The following CLMP variants were observed in gnomAD, a reference collection of about 807,000 sequenced individuals.
CLMP encodes CXADR-like membrane protein.
A neutral mutation model predicts 45.2 loss-of-function variants in CLMP; 27 were observed. That is an observed-to-expected ratio of 0.60 (90% CI 0.44 to 0.82). The LOEUF (loss-of-function observed/expected upper bound fraction) is 0.82, where lower values mean the gene tolerates loss of function less well. Among genes scored for constraint, CLMP ranks in the 40% least tolerant of loss-of-function variants. The pLI is 0.00. For missense variants in CLMP, 403 were observed against 448.4 expected (o/e 0.90, Z 0.91); for synonymous variants, 167 against 171.4 (o/e 0.97, Z 0.20).
intron 1 of CLMP, among the ~76,000 whole-genome samples, chr11:123,109,059 C>CA (rs776811883): frequency 0.23 from 14,785 of 63,566 alleles, 1,093 homozygotes; most frequent in Admixed American, 0.28. Context: ...AACTCTGTCT[C>CA]AAAAAAAAAA....
At chr11:123,083,012 A>G in intron 5 of CLMP, 73 bp downstream of exon 5, 1 of 1,556,850 alleles carries the variant, frequency 6.4e-7, no homozygotes, top group South Asian at 1.1e-5. Context: ...ACTTATGATT[A>G]GAATGTCTTA....
chr11:123,192,745 A>G (rs996084574), intron 1 of CLMP, among the ~76,000 whole-genome samples: 1 of 152,052 alleles, frequency 6.6e-6, no homozygotes, highest in Admixed American at 6.5e-5. Context: ...AGTTCAGACG[A>G]TGAACACTCT....
At chr11:123,134,411 T>C (rs994451145) in intron 1 of CLMP, among the ~76,000 whole-genome samples, 1 of 152,156 alleles carries the variant, frequency 6.6e-6, no homozygotes, top group Non-Finnish European at 1.5e-5. Flanking sequence ...TATGATTAAT[T>C]TTTTCTTTCA....
chr11:123,143,511 C>T (rs1861194559), intron 1 of CLMP, among the ~76,000 whole-genome samples: 1 of 143,480 alleles, frequency 7.0e-6, no homozygotes, highest in South Asian at 2.1e-4. Flanking sequence ...TGTGAACCGC[C>T]TATGGGGGGC....
intron 5 of CLMP, among the ~76,000 whole-genome samples, chr11:123,075,700 T>G (rs1865731537): frequency 6.6e-6 from 1 of 152,036 alleles, no homozygotes; most frequent in Non-Finnish European, 1.5e-5. Context: ...TGGTTATGTT[T>G]TAGTGAATAA....
At chr11:123,130,909 C>T (rs1860977298) in intron 1 of CLMP, among the ~76,000 whole-genome samples, 1 of 138,278 alleles carries the variant, frequency 7.2e-6, no homozygotes, top group Non-Finnish European at 1.5e-5. Flanking sequence ...GTGGCGCTAT[C>T]TCAGCTTACT....
At chr11:123,108,631 GA>G (rs1449762345) in intron 1 of CLMP, among the ~76,000 whole-genome samples, 2 of 152,070 alleles carry the variant, frequency 1.3e-5, no homozygotes, top group Non-Finnish European at 2.9e-5. Context: ...AAAGGAAGAG[GA>G]AGGGAAGTGG....
chr11:123,171,733 C>T (rs1048680362), intron 1 of CLMP, among the ~76,000 whole-genome samples: 4 of 152,036 alleles, frequency 2.6e-5, no homozygotes, highest in Non-Finnish European at 5.9e-5. Context: ...CATGAGCCAC[C>T]GCGCTCGGCC....
intron 1 of CLMP, among the ~76,000 whole-genome samples, chr11:123,188,409 C>T (rs1365657181): frequency 6.5e-5 from 1 of 15,316 alleles, no homozygotes; most frequent in Non-Finnish European, 1.3e-4. Flanking sequence ...TCTGTGCCTT[C>T]CTCCTCCTCT....
At chr11:123,190,001 C>CAAAAAAAA (rs10594946) in intron 1 of CLMP, among the ~76,000 whole-genome samples, 1 of 129,514 alleles carries the variant, frequency 7.7e-6, no homozygotes, top group African/African-American at 3.1e-5. Flanking sequence ...GACTCTGTCT[C>CAAAAAAAA]AAAAAAAAAA....
chr11:123,095,207 AC>A, intron 2 of CLMP, among the ~76,000 whole-genome samples: 1 of 152,318 alleles, frequency 6.6e-6, no homozygotes, highest in South Asian at 2.1e-4. Context: ...TGGCTATATA[AC>A]CAAGCAAGTC....
chr11:123,171,432 C>CTT (rs1274788768), intron 1 of CLMP, among the ~76,000 whole-genome samples: 3 of 143,126 alleles, frequency 2.1e-5, no homozygotes, highest in Non-Finnish European at 4.5e-5. Flanking sequence ...TTTTTTTTTT[C>CTT]TTTTCTTTTC....
At chr11:123,149,782 T>C (rs1216331559) in intron 1 of CLMP, among the ~76,000 whole-genome samples, 1 of 138,682 alleles carries the variant, frequency 7.2e-6, no homozygotes, top group Admixed American at 7.2e-5. Flanking sequence ...TTTCTTTCTT[T>C]CTTTCTTCCT....
chr11:123,132,818 G>T (rs1177457302), intron 1 of CLMP, among the ~76,000 whole-genome samples: 1 of 151,412 alleles, frequency 6.6e-6, no homozygotes, highest in Non-Finnish European at 1.5e-5. Context: ...TCACTCTGTG[G>T]CTCAGGCTGG....
intron 1 of CLMP, among the ~76,000 whole-genome samples, chr11:123,107,148 C>T (rs923513092): frequency 4.6e-5 from 7 of 151,638 alleles, no homozygotes; most frequent in Admixed American, 4.6e-4. Flanking sequence ...GCAGCCTGAA[C>T]TCCCTGGGCT....
At position 123,194,944 on chromosome 11, in the gene CLMP, G is replaced by A; in HGVS notation, c.-4C>T. On this transcript the variant is annotated 5_prime_UTR_variant, in exon 1 of 7. Coordinates refer to ENST00000448775, the MANE Select transcript of CLMP (RefSeq NM_024769.5). ...AGAGGAGAAGGAGGAGGGACATCCCGATCCCCGGACGCGGGCGCTTCCCCG... is the reference window on the plus strand; with the variant it reads ...AGAGGAGAAGGAGGAGGGACATCCCAATCCCCGGACGCGGGCGCTTCCCCG... 6.2e-7 allele frequency: 1 copy of A among 1,612,196 alleles called. No homozygotes were observed. Among genetic ancestry groups the A allele is most frequent in the African/African-American group, 1.3e-5 (1 of 74,868 alleles).
chr11:123,160,308 A>C (rs978630767), intron 1 of CLMP, among the ~76,000 whole-genome samples: 1 of 149,094 alleles, frequency 6.7e-6, no homozygotes, highest in South Asian at 2.1e-4. Flanking sequence ...AAAAAAAGGA[A>C]AGTAAAAGAA....
intron 2 of CLMP, among the ~76,000 whole-genome samples, chr11:123,085,816 G>T (rs1288523019): frequency 7.0e-6 from 1 of 142,262 alleles, no homozygotes; most frequent in African/African-American, 2.6e-5. Context: ...CACTCTTGTC[G>T]CCCGGTCTGG....
At chr11:123,079,063 C>T (rs1443014340) in intron 5 of CLMP, among the ~76,000 whole-genome samples, 2 of 151,910 alleles carry the variant, frequency 1.3e-5, no homozygotes, top group Non-Finnish European at 2.9e-5. Context: ...CAGGCATGAG[C>T]CACCGTGCCT....
Sources: allele counts gnomAD v4.1 joint callset (sites outside exome capture counted in the v4.1 genomes callset), GRCh38; gene constraint gnomAD v4.1.1; transcripts MANE v1.5; gene names NCBI Gene and HGNC (gene_info 2026-07-23, HGNC 2026-07-21).